The following DNA2 variants were observed in gnomAD, a reference collection of about 807,000 sequenced individuals.
The protein encoded by DNA2 is DNA replication helicase/nuclease 2.
A neutral mutation model predicts 119.1 loss-of-function variants in DNA2; 101 were observed. The ratio of observed to expected loss-of-function variants is 0.85; its 90% CI spans 0.72 to 1.00. The LOEUF (loss-of-function observed/expected upper bound fraction) is 1.00, where lower values mean the gene tolerates loss of function less well. DNA2 is among the 50% of genes least tolerant of loss of function. The probability of loss-of-function intolerance (pLI) is 0.00; values close to 1 mark genes in which losing one functional copy is unlikely to be tolerated. For missense variants in DNA2, 1,121 were observed against 1,255.5 expected (o/e 0.89, Z 1.62); for synonymous variants, 366 against 424.4 (o/e 0.86, Z 1.69).
intron 5 of DNA2, among the ~76,000 whole-genome samples, chr10:68,453,646 CT>C (rs1331539794): frequency 6.6e-6 from 1 of 152,132 alleles, no homozygotes; most frequent in East Asian, 1.9e-4. Context: ...AACACACTAC[CT>C]TTTCTATATT....
chr10:68,420,166 C>T (rs1475767527), intron 17 of DNA2, among the ~76,000 whole-genome samples: 2 of 152,294 alleles, frequency 1.3e-5, no homozygotes, highest in East Asian at 1.9e-4. Flanking sequence ...CTTTGTTATC[C>T]CCCATTTTAC....
chr10:68,450,249 TG>T lies in DNA2; in HGVS notation c.720-3del. ...TTATCCTTACTATTATCACTTGGCCTGAAAAAAAAAAAAGCACAAAAACACT... is the reference window on the plus strand; with the variant it reads ...TTATCCTTACTATTATCACTTGGCCTAAAAAAAAAAAAGCACAAAAACACT... On this transcript the variant is annotated splice_polypyrimidine_tract_variant and splice_region_variant and intron_variant, in intron 5 of 20. Coordinates refer to ENST00000358410, the MANE Select transcript of DNA2 (RefSeq NM_001080449.3). The T allele has an allele frequency of 1.3e-6, 2 of 1,524,828 alleles. No homozygotes were observed. Among genetic ancestry groups the T allele is most frequent in the African/African-American group, 2.8e-5 (2 of 70,848 alleles). 94.5% of individuals were successfully genotyped at this position (1,524,828 alleles called of 1,614,324 possible). A position where few individuals can be genotyped will look rare whatever the true frequency, so the allele number is the denominator to read the frequency against.
intron 6 of DNA2, among the ~76,000 whole-genome samples, chr10:68,446,681 A>G (rs1267634423): frequency 6.6e-6 from 1 of 152,200 alleles, no homozygotes; most frequent in Non-Finnish European, 1.5e-5. Context: ...GTTTGAGACC[A>G]GCCTGGGCAA....
intron 14 of DNA2, among the ~76,000 whole-genome samples, chr10:68,425,162 T>G (rs1479827692): frequency 2.8e-5 from 4 of 140,624 alleles, no homozygotes; most frequent in Middle Eastern, 3.5e-3. Flanking sequence ...TGGCATTATC[T>G]CGGCTCACTG....
rs557009499 is a variant in DNA2 at position 68,458,207 on chromosome 10, C to A, written c.719+897G>T. Among the ~76,000 whole-genome samples, 111 of 151,356 alleles carry A rather than the reference C, an allele frequency of 7.3e-4. 1 individual carries two copies. Among genetic ancestry groups the A allele is most frequent in the African/African-American group, 2.6e-3 (107 of 41,270 alleles). Reference sequence around the variant, plus strand: ...AAGAATCAAATGATAAAAATTAGGACCCCCAGAATATTTATAAATTGATTA... The same window carrying A: ...AAGAATCAAATGATAAAAATTAGGAACCCCAGAATATTTATAAATTGATTA... On this transcript the variant is annotated intron_variant, in intron 5 of 20. Transcript: ENST00000358410.
At chr10:68,442,250 GCT>G in intron 9 of DNA2, among the ~76,000 whole-genome samples, 1 of 148,584 alleles carries the variant, frequency 6.7e-6, no homozygotes, top group South Asian at 2.1e-4. Flanking sequence ...ACAGAGTCTC[GCT>G]CTGTCACCCA....
At chr10:68,456,802 G>A (rs866667426) in intron 5 of DNA2, among the ~76,000 whole-genome samples, 49 of 151,250 alleles carry the variant, frequency 3.2e-4, no homozygotes, top group Admixed American at 2.8e-3. Context: ...CATGGAAGTC[G>A]TGCCTATTTA....
chr10:68,428,322 T>C (rs1379359217), intron 14 of DNA2, among the ~76,000 whole-genome samples: 1 of 151,954 alleles, frequency 6.6e-6, no homozygotes, highest in East Asian at 1.9e-4. Context: ...CGAGACTCCG[T>C]CTCAAAATAA....
At position 68,460,134 on chromosome 10, in the gene DNA2, T is replaced by C. The variant is rs534365257; in HGVS notation, c.588-899A>G. Among the ~76,000 whole-genome samples, 148 of 152,032 alleles carry C rather than the reference T, an allele frequency of 9.7e-4. 1 individual carries two copies. The highest frequency in any genetic ancestry group is 3.4e-3 in the African/African-American group (142 of 41,472). ...TCTTTTTTTATTTTTTGAGACAGGG[T>C]CTCACGCTGTCACCCAGGCTGGAGT... On this transcript the variant is annotated intron_variant, in intron 4 of 20. Coordinates refer to ENST00000358410, the MANE Select transcript of DNA2 (RefSeq NM_001080449.3).
chr10:68,434,340 T>C (rs1377321324), intron 10 of DNA2, among the ~76,000 whole-genome samples: 2 of 151,742 alleles, frequency 1.3e-5, no homozygotes, highest in Non-Finnish European at 2.9e-5. Context: ...TTCCTATCAA[T>C]TTGAACACAT....
At position 68,415,123 on chromosome 10, in the gene DNA2, G is replaced by A; in HGVS notation, c.3115-16C>T. ...GATCAATGATGTAAAATAAATTAAG[G>A]AAGAAATATTTAGCACAATATGGAA... is the stretch of plus-strand genomic sequence containing the variant. On this transcript the variant is annotated splice_polypyrimidine_tract_variant and intron_variant, in intron 20 of 20. Coordinates refer to ENST00000358410, the MANE Select transcript of DNA2 (RefSeq NM_001080449.3). 2 of 1,498,994 alleles carry A rather than the reference G, an allele frequency of 1.3e-6. No homozygotes were observed. Among genetic ancestry groups the A allele is most frequent in the African/African-American group, 1.4e-5 (1 of 72,292 alleles). 92.9% of individuals were successfully genotyped at this position (1,498,994 alleles called of 1,614,324 possible). A position where few individuals can be genotyped will look rare whatever the true frequency, so the allele number is the denominator to read the frequency against.
intron 20 of DNA2, among the ~76,000 whole-genome samples, 159 bp from the exon 21 acceptor site, chr10:68,415,266 GTTAT>G (rs2051573534): frequency 6.7e-6 from 1 of 149,540 alleles, no homozygotes; most frequent in Non-Finnish European, 1.5e-5. Flanking sequence ...AGCAACAGGA[GTTAT>G]TTATCTTTTT....
chr10:68,428,787 G>T (rs931399028), intron 14 of DNA2, among the ~76,000 whole-genome samples: 4 of 152,204 alleles, frequency 2.6e-5, no homozygotes, highest in Admixed American at 6.5e-5. Flanking sequence ...CAGAGTCTCA[G>T]AGTCATGGCT....
At chr10:68,420,727 G>T in intron 17 of DNA2, among the ~76,000 whole-genome samples, 1 of 142,302 alleles carries the variant, frequency 7.0e-6, no homozygotes. Flanking sequence ...TGAGACACCA[G>T]GAGATTGCAC....
At position 68,466,849 on chromosome 10, in the gene DNA2, G is replaced by A. The variant is rs183654649; in HGVS notation, c.442-1037C>T. On this transcript the variant is annotated intron_variant, in intron 3 of 20. Coordinates refer to ENST00000358410, the MANE Select transcript of DNA2 (RefSeq NM_001080449.3). ...CAGCCTTGGCCTCCCAAAGTGCTGG[G>A]ATTACAGGCGTGAGCCACTGCGCCC... Among the ~76,000 whole-genome samples the A allele has an allele frequency of 3.6e-3, 551 of 152,158 alleles. 3 individuals are homozygous for A. The highest frequency in any genetic ancestry group is 0.017 in the Middle Eastern group (5 of 294).
rs190231374 is a variant in DNA2 at position 68,432,139 on chromosome 10, G to A, written c.1873+67C>T. The A allele has an allele frequency of 8.2e-6, 10 of 1,217,270 alleles. No individual in the cohort carries two copies. In the Admixed American group the frequency reaches 1.8e-4, roughly 21 times the overall value. The allele number at this position is 1,217,270 out of a possible 1,614,324, so 75.4% of individuals were successfully genotyped here. On this transcript the variant is annotated intron_variant, in intron 12 of 20. Transcript: ENST00000358410. The stretch of plus-strand genomic sequence containing the variant: ...AGTTGCAAGTCTAATCAAGATATTA[G>A]ACTACAGTATAAATCAAATAGAAAC...
intron 9 of DNA2, among the ~76,000 whole-genome samples, chr10:68,441,737 T>C (rs1034305064): frequency 6.6e-6 from 1 of 152,056 alleles, no homozygotes; most frequent in Non-Finnish European, 1.5e-5. Flanking sequence ...AACATGCCAC[T>C]GCACTCCAGC....
intron 3 of DNA2, among the ~76,000 whole-genome samples, chr10:68,467,269 C>G (rs1218542104): frequency 6.6e-6 from 1 of 151,992 alleles, no homozygotes; most frequent in African/African-American, 2.4e-5. Flanking sequence ...CACCACAACG[C>G]CCGGCTAATT....
At position 68,448,952 on chromosome 10, in the gene DNA2, TGTGTGTGTGTGTGTGC is replaced by T. The variant is rs1437535273; in HGVS notation, c.939+1060_939+1075del. Among the ~76,000 whole-genome samples the T allele has an allele frequency of 1.4e-3, 181 of 128,166 alleles. 1 individual carries two copies. Among genetic ancestry groups the T allele is most frequent in the East Asian group, 7.3e-3 (27 of 3,682 alleles). The allele number at this position is 128,166 out of a possible 152,430, so 84.1% of individuals were successfully genotyped here. On this transcript the variant is annotated intron_variant, in intron 6 of 20. Transcript: ENST00000358410. ...CACCAGGTGTGTGTGTGTGTGTGTG[TGTGTGTGTGTGTGTGC>T]GTGTGTGTGTGTGTGTGTAGTAGTT...
Sources: allele counts gnomAD v4.1 joint callset (sites outside exome capture counted in the v4.1 genomes callset), GRCh38; gene constraint gnomAD v4.1.1; transcripts MANE v1.5; gene names NCBI Gene and HGNC (gene_info 2026-07-23, HGNC 2026-07-21).